The following RHOQ variants were observed in gnomAD, a reference collection of about 807,000 sequenced individuals.
The protein encoded by RHOQ is ras homolog family member Q.
Under a neutral mutation model 25.8 loss-of-function variants are expected in RHOQ, and 7 were observed. That is an observed-to-expected ratio of 0.27 (90% CI 0.15 to 0.51). RHOQ has a LOEUF of 0.51. Ranked by LOEUF, RHOQ falls within the 20% of genes least tolerant of loss-of-function variation. The pLI, the probability that RHOQ is intolerant of heterozygous loss-of-function variation, is 0.97. For synonymous variants in RHOQ, 97 were observed against 98.6 expected (o/e 0.98, Z 0.10); for missense variants, 165 against 260.6 (o/e 0.63, Z 2.53).
At position 46,583,801 on chromosome 2, in the gene RHOQ, G is replaced by T. The variant is rs1179204723; in HGVS notation, c.*2718G>T. 1.3e-5 allele frequency among the ~76,000 whole-genome samples: 2 copies of T among 152,106 alleles called. No homozygotes were observed. The highest frequency in any genetic ancestry group is 4.8e-5 in the African/African-American group (2 of 41,438). On this transcript the variant is annotated 3_prime_UTR_variant, in exon 5 of 5. Transcript: ENST00000238738. ...TGCTTCAAAAATATTTTACTGACAT[G>T]AATTTTGCTAGTGAATACAAATACA...
At chr2:46,550,894 C>T (rs1292406891) in intron 2 of RHOQ, among the ~76,000 whole-genome samples, 2 of 152,078 alleles carry the variant, frequency 1.3e-5, no homozygotes, top group Non-Finnish European at 2.9e-5. Flanking sequence ...GGGGATCGGG[C>T]CACAGAAAGG....
intron 2 of RHOQ, among the ~76,000 whole-genome samples, chr2:46,572,121 T>G (rs1480675734): frequency 1.0e-4 from 14 of 138,374 alleles, no homozygotes; most frequent in Admixed American, 7.7e-4. Flanking sequence ...TTTTTTTTTT[T>G]TTTTTTTTTT....
chr2:46,546,618 C>T (rs1668079102), intron 2 of RHOQ, among the ~76,000 whole-genome samples: 1 of 148,094 alleles, frequency 6.8e-6, no homozygotes, highest in African/African-American at 2.5e-5. Flanking sequence ...TCCACCTTAG[C>T]TAGTCATGTG....
At position 46,545,369 on chromosome 2, in the gene RHOQ, T is replaced by C. The variant is rs112079492; in HGVS notation, c.201+1557T>C. ...CTTCTCACTACCTTCCTTTCTCTTATCTCCTTTACTTGTGACCATGATAAT... is the reference window on the plus strand; with the variant it reads ...CTTCTCACTACCTTCCTTTCTCTTACCTCCTTTACTTGTGACCATGATAAT... On this transcript the variant is annotated intron_variant, in intron 2 of 4. Coordinates refer to ENST00000238738, the MANE Select transcript of RHOQ (RefSeq NM_012249.4). 8.7e-3 allele frequency among the ~76,000 whole-genome samples: 1,322 copies of C among 152,308 alleles called. 8 individuals carry two copies. The highest frequency in any genetic ancestry group is 0.02 in the Middle Eastern group (6 of 294).
chr2:46,542,591 C>A lies in RHOQ; in HGVS notation c.-456C>A, dbSNP rs1440467561. On this transcript the variant is annotated 5_prime_UTR_variant, in exon 1 of 5. Transcript: ENST00000238738. ...GCAGGCGGGGGCGCGTGGCGCGGGCCGCGCTCGGGGAGGCGCCTGGGCCCG... is the reference window on the plus strand; with the variant it reads ...GCAGGCGGGGGCGCGTGGCGCGGGCAGCGCTCGGGGAGGCGCCTGGGCCCG... 6.8e-6 allele frequency: 1 copy of A among 146,778 alleles called. No homozygotes were observed. The highest frequency in any genetic ancestry group is 1.5e-5 in the Non-Finnish European group (1 of 65,992). 9.1% of individuals were successfully genotyped at this position (146,778 alleles called of 1,614,324 possible). A position where few individuals can be genotyped will look rare whatever the true frequency, so the allele number is the denominator to read the frequency against.
Position 46,548,655 on chromosome 2 carries a change from C to T in RHOQ, c.201+4843C>T, listed in dbSNP as rs575544699. ...CCCCGTGTTCCATCCTTGCTCAGCC[C>T]GGTGAGCAGAGCCTGGGAGGAGCCC... On this transcript the variant is annotated intron_variant, in intron 2 of 4. Transcript: ENST00000238738. This position sits in a 1 kb window ranked among gnomAD's most constrained non-coding sequence, Gnocchi z 5.2. 2.6e-5 allele frequency among the ~76,000 whole-genome samples: 4 copies of T among 152,158 alleles called. No homozygotes were observed. The highest frequency in any genetic ancestry group is 6.5e-5 in the Admixed American group (1 of 15,282).
At position 46,558,993 on chromosome 2, in the gene RHOQ, G is replaced by A. The variant is rs1244457268; in HGVS notation, c.201+15181G>A. On this transcript the variant is annotated intron_variant, in intron 2 of 4. Transcript: ENST00000238738. The stretch of plus-strand genomic sequence containing the variant: ...GTTTGAGACAGGCTCTCACTCTGTT[G>A]CCCAGGCTGGAGTGCAGTGGTGTGA... 5.3e-5 allele frequency among the ~76,000 whole-genome samples: 8 copies of A among 152,060 alleles called. No individual in the cohort carries two copies. The East Asian group carries it at 1.5e-3, about 29-fold the overall frequency.
chr2:46,570,355 G>C (rs771449284), intron 2 of RHOQ, among the ~76,000 whole-genome samples: 8 of 152,046 alleles, frequency 5.3e-5, no homozygotes, highest in Admixed American at 1.3e-4. Context: ...CATGAGAATT[G>C]CTTGAATCCG....
rs929802626 is a variant in RHOQ, at chr2:46,569,513, A to G, written c.202-6574A>G. 1 of 152,220 alleles carries G rather than the reference A, an allele frequency of 6.6e-6. No homozygotes were observed. The highest frequency in any genetic ancestry group is 2.4e-5 in the African/African-American group (1 of 41,450). 9.4% of individuals were successfully genotyped at this position (152,220 alleles called of 1,614,324 possible). ...TAGATAATGACAAGGCCAGTCCTCT[A>G]GCTGGTTTCTTTATGCTCCACCAGA... On this transcript the variant is annotated intron_variant, in intron 2 of 4. Coordinates refer to ENST00000238738, the MANE Select transcript of RHOQ (RefSeq NM_012249.4). This position sits in a 1 kb window ranked among gnomAD's most constrained non-coding sequence, Gnocchi z 4.1.
chr2:46,573,515 C>G (rs998556282), intron 2 of RHOQ, among the ~76,000 whole-genome samples: 1 of 152,204 alleles, frequency 6.6e-6, no homozygotes, highest in African/African-American at 2.4e-5. Context: ...ATTAATCAAA[C>G]AAAACCTGCA....
At chr2:46,544,732 A>G (rs553914810) in intron 2 of RHOQ, among the ~76,000 whole-genome samples, 2 of 152,238 alleles carry the variant, frequency 1.3e-5, no homozygotes, top group Non-Finnish European at 2.9e-5. Flanking sequence ...AAGTTTCCAC[A>G]TGTCATACAG....
chr2:46,578,994 A>G (rs1669244105), intron 4 of RHOQ, among the ~76,000 whole-genome samples: 1 of 152,220 alleles, frequency 6.6e-6, no homozygotes, highest in Non-Finnish European at 1.5e-5. Context: ...TAATAAAAGT[A>G]AATTATTAGG....
intron 2 of RHOQ, among the ~76,000 whole-genome samples, chr2:46,575,428 C>T (rs1040971250): frequency 6.6e-6 from 1 of 151,408 alleles, no homozygotes; most frequent in African/African-American, 2.4e-5. Flanking sequence ...CACACACACA[C>T]ACACACACAC....
At chr2:46,560,749 T>C in intron 2 of RHOQ, 1 of 405,902 alleles carries the variant, frequency 2.5e-6, no homozygotes, top group Non-Finnish European at 5.1e-6. Context: ...TTGCGTAGAG[T>C]CTGTATAGAC....
At chr2:46,571,114 C>T (rs573981899) in intron 2 of RHOQ, among the ~76,000 whole-genome samples, 83 of 152,326 alleles carry the variant, frequency 5.4e-4, no homozygotes, top group Middle Eastern at 3.4e-3. Context: ...TCTGTAAGGA[C>T]CAACTCAAGT....
chr2:46,547,022 C>G (rs897727031), intron 2 of RHOQ, among the ~76,000 whole-genome samples: 8 of 152,284 alleles, frequency 5.3e-5, no homozygotes, highest in African/African-American at 1.9e-4. Context: ...GGTTTTCTGT[C>G]TTAAGCAGAG....
rs749927008 is a variant in RHOQ, at chr2:46,556,749, A to G, written c.201+12937A>G. ...AATGCAAGTAGAAAATGGGATGTGC[A>G]TATAAATCATGAAATGTGAGTGAGG... On this transcript the variant is annotated intron_variant, in intron 2 of 4. Coordinates refer to ENST00000238738, the MANE Select transcript of RHOQ (RefSeq NM_012249.4). The surrounding 1 kb of genome is among the most constrained non-coding windows in gnomAD (Gnocchi z 4.9). 3.3e-5 allele frequency among the ~76,000 whole-genome samples: 5 copies of G among 152,170 alleles called. No homozygotes were observed. The highest frequency in any genetic ancestry group is 4.8e-5 in the African/African-American group (2 of 41,448).
intron 2 of RHOQ, among the ~76,000 whole-genome samples, chr2:46,547,166 A>C (rs1320498899): frequency 6.6e-6 from 1 of 152,224 alleles, no homozygotes; most frequent in African/African-American, 2.4e-5. Context: ...ATGGCACTAC[A>C]GGTCAGTTGC....
rs1668263494 is a variant in RHOQ at position 46,552,192 on chromosome 2, A to G, written c.201+8380A>G. 6.6e-6 allele frequency among the ~76,000 whole-genome samples: 1 copy of G among 152,236 alleles called. No individual in the cohort carries two copies. Among genetic ancestry groups the G allele is most frequent in the African/African-American group, 2.4e-5 (1 of 41,470 alleles). On this transcript the variant is annotated intron_variant, in intron 2 of 4. Coordinates refer to ENST00000238738, the MANE Select transcript of RHOQ (RefSeq NM_012249.4). The surrounding 1 kb of genome is among the most constrained non-coding windows in gnomAD (Gnocchi z 5.0). ...AGGGACGGCTGCTAAAACGGCTCCT[A>G]CAAAGACTTCTGCCCCACGTGACGT... is the stretch of plus-strand genomic sequence containing the variant.
Sources: gnomAD v4.1 joint callset for allele counts (sites outside exome capture counted in the v4.1 genomes callset) on GRCh38, gnomAD v4.1.1 for gene constraint, Gnocchi (gnomAD v3.1) non-coding constraint, MANE v1.5 for transcripts, NCBI Gene and HGNC (gene_info 2026-07-23, HGNC 2026-07-21) for gene names.